The following PRRC2B variants were observed in gnomAD, a reference collection of about 807,000 sequenced individuals.
PRRC2B encodes protein PRRC2B.
A neutral mutation model predicts 242.3 loss-of-function variants in PRRC2B; 68 were observed. That is an observed-to-expected ratio of 0.28 (90% confidence interval 0.23 to 0.34). The LOEUF (loss-of-function observed/expected upper bound fraction) is 0.34, where lower values mean the gene tolerates loss of function less well. PRRC2B is among the 10% of genes least tolerant of loss of function. PRRC2B has a pLI of 1.00. For synonymous variants in PRRC2B, 1,228 were observed against 1,173.6 expected, an observed-to-expected ratio of 1.05 and a Z score of -0.95; for missense variants, 2,835 against 2,954.8, an observed-to-expected ratio of 0.96 and a Z score of 0.94.
intron 2 of PRRC2B, among the ~76,000 whole-genome samples, chr9:131,430,721 T>G (rs1398476207): frequency 6.6e-6 from 1 of 151,658 alleles, no homozygotes; most frequent in Non-Finnish European, 1.5e-5. Context: ...GCCTCCCGAG[T>G]AGCAAGGATT....
intron 1 of PRRC2B, among the ~76,000 whole-genome samples, chr9:131,423,975 G>A (rs1024013276): frequency 2.7e-5 from 4 of 150,182 alleles, no homozygotes; most frequent in Non-Finnish European, 3.0e-5. Context: ...TCCCTCTGTC[G>A]CCCAGGCTGT....
intron 28 of PRRC2B, among the ~76,000 whole-genome samples, chr9:131,489,626 G>T (rs1020588639): frequency 4.6e-5 from 7 of 151,958 alleles, no homozygotes; most frequent in African/African-American, 1.7e-4. Context: ...TTTCAGACTT[G>T]CATCTTGCCC....
chr9:131,453,719 G>A (rs550692086), intron 9 of PRRC2B, among the ~76,000 whole-genome samples: 3 of 152,174 alleles, frequency 2.0e-5, no homozygotes, highest in Non-Finnish European at 4.4e-5. Flanking sequence ...TTTTAGTAGA[G>A]ATATGGTTTC....
chr9:131,389,555 A>C (rs2131268891), upstream of PRRC2B, among the ~76,000 whole-genome samples: 1 of 150,688 alleles, frequency 6.6e-6, no homozygotes, highest in African/African-American at 2.4e-5. Context: ...ACCTTGCTGG[A>C]TGCTTTGTCC....
chr9:131,482,432 C>T lies in PRRC2B; in HGVS notation c.5045C>T (p.Ser1682Leu). The change falls in exon 21 of 32, where the codon TCG becomes TTG. Residue 1682 changes from serine (S) to leucine (L), a missense_variant. Coordinates refer to ENST00000683519, the MANE Select transcript of PRRC2B (RefSeq NM_013318.4). This position sits in a 1 kb window ranked among gnomAD's most constrained non-coding sequence, Gnocchi z 5.2. ...GVDLSAESRE[S>L]SATSSQRSSP... ...GACTTGAGTGCCGAGTCTCGGGAGT[C>T]GTCTGCGACCTCCTCGCAGCGCAGC... 6.2e-7 allele frequency: 1 copy of T among 1,603,768 alleles called. No homozygotes were observed. Among genetic ancestry groups the T allele is most frequent in the East Asian group, 2.2e-5 (1 of 44,520 alleles).
At chr9:131,426,329 C>G (rs1419731916) in intron 1 of PRRC2B, among the ~76,000 whole-genome samples, 1 of 63,046 alleles carries the variant, frequency 1.6e-5, no homozygotes, top group Non-Finnish European at 2.9e-5. Context: ...CAGAAAGAAA[C>G]TCTGTCTCAA....
intron 1 of PRRC2B, among the ~76,000 whole-genome samples, chr9:131,408,631 T>G (rs1272301078): frequency 6.6e-6 from 1 of 152,234 alleles, no homozygotes; most frequent in African/African-American, 2.4e-5. Context: ...ACTGCTAATA[T>G]GAATGTGTAT....
chr9:131,423,208 G>T (rs1243514500), intron 1 of PRRC2B, among the ~76,000 whole-genome samples: 1 of 152,204 alleles, frequency 6.6e-6, no homozygotes, highest in African/African-American at 2.4e-5. Flanking sequence ...GCGAGGACTT[G>T]GTGCGTCTAT....
chr9:131,389,162 T>C (rs1200059541), upstream of PRRC2B, among the ~76,000 whole-genome samples: 1 of 146,074 alleles, frequency 6.8e-6, no homozygotes, highest in Admixed American at 7.3e-5. Flanking sequence ...TTTTTTTTTT[T>C]TTTTTTTGAG....
intron 4 of PRRC2B, 126 bp downstream of exon 4, chr9:131,436,848 G>C (rs2131335463): frequency 1.4e-6 from 1 of 720,098 alleles, no homozygotes; most frequent in Non-Finnish European, 2.3e-6. Context: ...TATTCCAGAG[G>C]CACACCCGAT....
intron 1 of PRRC2B, among the ~76,000 whole-genome samples, chr9:131,424,964 G>T (rs1201266694): frequency 6.6e-6 from 1 of 152,070 alleles, no homozygotes; most frequent in African/African-American, 2.4e-5. Context: ...TCTCATGTTT[G>T]GGCGAGGTTT....
At chr9:131,413,658 C>T (rs1485295507) in intron 1 of PRRC2B, among the ~76,000 whole-genome samples, 1 of 151,896 alleles carries the variant, frequency 6.6e-6, no homozygotes, top group African/African-American at 2.4e-5. Flanking sequence ...AGCCACCTCA[C>T]CTGACTAATC....
Position 131,489,184 on chromosome 9 carries a change from CT to C in PRRC2B, c.6225+1106del, listed in dbSNP as rs558036228. 8.9e-3 allele frequency among the ~76,000 whole-genome samples: 1,175 copies of C among 131,570 alleles called. 6 individuals are homozygous for C. The highest frequency in any genetic ancestry group is 0.023 in the African/African-American group (800 of 34,438). The allele number at this position is 131,570 out of a possible 152,430, so 86.3% of individuals were successfully genotyped here. On this transcript the variant is annotated intron_variant, in intron 28 of 31. Coordinates refer to ENST00000683519, the MANE Select transcript of PRRC2B (RefSeq NM_013318.4). ...CCTCTAGTGACCCAACTCCAAAATT[CT>C]TTTTTTTTTTTTTTTTTGAGATGGA... is the stretch of plus-strand genomic sequence containing the variant.
intron 5 of PRRC2B, among the ~76,000 whole-genome samples, chr9:131,441,791 A>T (rs1433582828): frequency 2.0e-5 from 3 of 152,186 alleles, no homozygotes; most frequent in African/African-American, 7.2e-5. Flanking sequence ...CAGACCCAGG[A>T]GACCTGATTG....
chr9:131,430,749 C>T (rs542297535), intron 2 of PRRC2B, among the ~76,000 whole-genome samples: 4 of 151,826 alleles, frequency 2.6e-5, no homozygotes, highest in South Asian at 2.1e-4. Context: ...TGTGCCACCA[C>T]GCCCAGCTAA....
chr9:131,420,493 C>CTTTCT, intron 1 of PRRC2B, among the ~76,000 whole-genome samples: 3,682 of 30,382 alleles, frequency 0.12, 388 homozygotes, highest in Non-Finnish European at 0.16. Context: ...TTCTTTCTTT[C>CTTTCT]TTTTTTTTTT....
In PRRC2B at chr9:131,496,059, G is replaced by GCC; in HGVS notation, c.*186_*187insCC. On this transcript the variant is annotated 3_prime_UTR_variant, in exon 32 of 32. Transcript: ENST00000683519. ...ACCAGCTTGCACCCGTGGATATATGGCATTGACCCGCTTGCTTTGATACGA... is the reference window on the plus strand; with the variant it reads ...ACCAGCTTGCACCCGTGGATATATGGCCCATTGACCCGCTTGCTTTGATACGA... The GCC allele has an allele frequency of 1.4e-6, 1 of 721,340 alleles. No homozygotes were observed. Among genetic ancestry groups the GCC allele is most frequent in the Non-Finnish European group, 2.2e-6 (1 of 452,186 alleles). The allele number at this position is 721,340 out of a possible 1,614,324, so 44.7% of individuals were successfully genotyped here. A position where few individuals can be genotyped will look rare whatever the true frequency, so the allele number is the denominator to read the frequency against.
rs1943435249 is a variant in PRRC2B, at chr9:131,467,661, G to A, written c.1819G>A (p.Glu607Lys). The part of the protein sequence containing the change: ...AVAQSNSSEE[E>K]AREAGSPAQE... The stretch of plus-strand genomic sequence containing the variant: ...GGCACAGAGCAACAGCAGTGAGGAA[G>A]AGGCCAGAGAGGCTGGGTCCCCTGC... The change falls in exon 13 of 32, where the codon GAG (glutamate) becomes AAG (lysine). Residue 607 changes from glutamate to lysine, a missense_variant. By Grantham distance (56) the Glu-to-Lys change is moderately conservative. Transcript: ENST00000683519. 2 of 1,613,982 alleles carry A rather than the reference G, an allele frequency of 1.2e-6. No individual in the cohort carries two copies. Among genetic ancestry groups the A allele is most frequent in the Middle Eastern group, 1.7e-4 (1 of 6,058 alleles).
chr9:131,404,804 T>C (rs1463459372), intron 1 of PRRC2B, among the ~76,000 whole-genome samples: 1 of 152,216 alleles, frequency 6.6e-6, no homozygotes, highest in African/African-American at 2.4e-5. Context: ...TTAACCTCTG[T>C]CTCCTACTGG....
Sources: allele counts gnomAD v4.1 joint callset (sites outside exome capture counted in the v4.1 genomes callset), GRCh38; gene constraint gnomAD v4.1.1; non-coding constraint Gnocchi (gnomAD v3.1); transcripts MANE v1.5; gene names NCBI Gene and HGNC (gene_info 2026-07-23, HGNC 2026-07-21).